The following PTPRK variants were observed in gnomAD, a reference collection of about 807,000 sequenced individuals.
PTPRK encodes receptor-type tyrosine-protein phosphatase kappa.
Under a neutral mutation model 178.0 loss-of-function variants are expected in PTPRK, and 75 were observed. The observed-to-expected ratio is 0.42, with a 90% CI of 0.35 to 0.51. The LOEUF (loss-of-function observed/expected upper bound fraction) is 0.51. PTPRK is among the 20% of genes least tolerant of loss of function. PTPRK has a pLI of 0.02. For synonymous variants in PTPRK, 637 were observed against 620.6 expected (o/e 1.03, Z -0.39); for missense variants, 1,441 against 1,797.8 (o/e 0.80, Z 3.59).
chr6:128,255,348 T>TG (rs1161590654), intron 3 of PTPRK, among the ~76,000 whole-genome samples: 5 of 152,078 alleles, frequency 3.3e-5, no homozygotes, highest in Non-Finnish European at 5.9e-5. Flanking sequence ...GAGAACACAA[T>TG]ATGGGAGATG....
At chr6:128,271,794 C>G (rs999132304) in intron 3 of PTPRK, among the ~76,000 whole-genome samples, 1 of 151,686 alleles carries the variant, frequency 6.6e-6, no homozygotes, top group African/African-American at 2.4e-5. Context: ...TCTGCTTGTG[C>G]CTTTAGCACA....
chr6:128,435,342 T>TA (rs1224504528), intron 1 of PTPRK, among the ~76,000 whole-genome samples: 1 of 152,212 alleles, frequency 6.6e-6, no homozygotes, highest in Non-Finnish European at 1.5e-5. Flanking sequence ...TGACAGGGTC[T>TA]AAAATTGTAA....
intron 13 of PTPRK, among the ~76,000 whole-genome samples, chr6:128,020,165 T>C (rs886679112): frequency 2.0e-5 from 3 of 151,842 alleles, no homozygotes; most frequent in African/African-American, 7.3e-5. Flanking sequence ...AGGAAAGGAG[T>C]GTAAATCACA....
chr6:128,121,762 G>GT (rs950443460), intron 7 of PTPRK, among the ~76,000 whole-genome samples: 38 of 151,032 alleles, frequency 2.5e-4, no homozygotes, highest in African/African-American at 8.0e-4. Flanking sequence ...AATGTGCGGG[G>GT]TTTTTTTTTC....
intron 3 of PTPRK, among the ~76,000 whole-genome samples, chr6:128,311,009 C>A (rs1223707582): frequency 6.6e-6 from 1 of 151,998 alleles, no homozygotes; most frequent in Non-Finnish European, 1.5e-5. Context: ...GAAAGTTCCC[C>A]CGGGATCCCA....
intron 3 of PTPRK, among the ~76,000 whole-genome samples, chr6:128,272,792 A>T (rs1820069325): frequency 6.6e-6 from 1 of 152,178 alleles, no homozygotes; most frequent in Admixed American, 6.5e-5. Context: ...ATTGTGGAAG[A>T]CAGTGTGGTG....
At chr6:128,205,996 T>C (rs1389958075) in intron 6 of PTPRK, among the ~76,000 whole-genome samples, 1 of 151,900 alleles carries the variant, frequency 6.6e-6, no homozygotes, top group African/African-American at 2.4e-5. Flanking sequence ...CTTTATTTGC[T>C]TCTTGGACCC....
chr6:128,102,883 T>C (rs1426440991), intron 7 of PTPRK, among the ~76,000 whole-genome samples: 1 of 152,136 alleles, frequency 6.6e-6, no homozygotes, highest in Non-Finnish European at 1.5e-5. Flanking sequence ...AGGCCTTCCT[T>C]CATCTTGATA....
intron 3 of PTPRK, among the ~76,000 whole-genome samples, chr6:128,300,499 T>G (rs903199545): frequency 3.3e-5 from 5 of 151,828 alleles, no homozygotes; most frequent in African/African-American, 1.2e-4. Flanking sequence ...TAGACTGGAT[T>G]AAGAAAATGT....
At chr6:128,175,330 T>G (rs1800897402) in intron 7 of PTPRK, among the ~76,000 whole-genome samples, 1 of 151,894 alleles carries the variant, frequency 6.6e-6, no homozygotes, top group African/African-American at 2.4e-5. Flanking sequence ...CGCATTGATA[T>G]AATACTTTCA....
intron 1 of PTPRK, among the ~76,000 whole-genome samples, chr6:128,514,473 T>C (rs2128445143): frequency 6.6e-6 from 1 of 152,206 alleles, no homozygotes; most frequent in Non-Finnish European, 1.5e-5. Context: ...ATAACTCCAC[T>C]ACGCACTATT....
intron 1 of PTPRK, among the ~76,000 whole-genome samples, chr6:128,469,993 T>C: frequency 6.6e-6 from 1 of 152,148 alleles, no homozygotes; most frequent in East Asian, 1.9e-4. Context: ...ACTTCTGACC[T>C]CCAGAAATGT....
intron 13 of PTPRK, chr6:128,062,453 G>C (rs1582800323): frequency 6.0e-6 from 1 of 166,928 alleles, no homozygotes; most frequent in Middle Eastern, 3.4e-3. Context: ...AAATATATTA[G>C]ACCAGGGCAG....
chr6:128,508,067 T>G (rs912322507), intron 1 of PTPRK, among the ~76,000 whole-genome samples: 5 of 152,150 alleles, frequency 3.3e-5, no homozygotes, highest in Admixed American at 6.5e-5. Flanking sequence ...ATCAGCAAAC[T>G]GTAAGACAGA....
At chr6:128,008,507 T>C (rs984119616) in intron 14 of PTPRK, among the ~76,000 whole-genome samples, 1 of 151,060 alleles carries the variant, frequency 6.6e-6, no homozygotes, top group Non-Finnish European at 1.5e-5. Context: ...TCATCAGGAA[T>C]ATACTTTGGT....
intron 1 of PTPRK, among the ~76,000 whole-genome samples, chr6:128,486,403 G>A (rs1852888759): frequency 6.6e-6 from 1 of 151,890 alleles, no homozygotes; most frequent in Admixed American, 6.6e-5. Flanking sequence ...TATATTATAT[G>A]GTTTTTATGA....
At chr6:128,346,634 A>C (rs552755184) in intron 2 of PTPRK, among the ~76,000 whole-genome samples, 1 of 152,260 alleles carries the variant, frequency 6.6e-6, no homozygotes, top group African/African-American at 2.4e-5. Context: ...CAGCCTGTAA[A>C]TGTTCCCTTC....
At chr6:128,497,192 T>C (rs1461214918) in intron 1 of PTPRK, among the ~76,000 whole-genome samples, 1 of 152,170 alleles carries the variant, frequency 6.6e-6, no homozygotes, top group Non-Finnish European at 1.5e-5. Flanking sequence ...TTCCAGTCAG[T>C]AGCAGAACAC....
At chr6:128,449,054 G>A (rs574606323) in intron 1 of PTPRK, among the ~76,000 whole-genome samples, 12 of 152,042 alleles carry the variant, frequency 7.9e-5, no homozygotes, top group African/African-American at 2.4e-4. Context: ...TAGAGACGGG[G>A]TTTCACCATG....
Sources: gnomAD v4.1 joint callset for allele counts (sites outside exome capture counted in the v4.1 genomes callset) on GRCh38, gnomAD v4.1.1 for gene constraint, MANE v1.5 for transcripts, NCBI Gene and HGNC (gene_info 2026-07-23, HGNC 2026-07-21) for gene names.